Variants in CNTNAP2 observed in about 807,000 individuals in gnomAD.
The protein encoded by CNTNAP2 is contactin associated protein 2.
In CNTNAP2, 98 loss-of-function variants were observed where a neutral mutation model predicts 155.2. That is an observed-to-expected ratio of 0.63 (90% confidence interval 0.54 to 0.75). The LOEUF (loss-of-function observed/expected upper bound fraction) is 0.75. Among genes scored for constraint, CNTNAP2 ranks in the 30% least tolerant of loss-of-function variants. The pLI is 0.00. For synonymous variants in CNTNAP2, 651 were observed against 631.2 expected (o/e 1.03, Z -0.47); for missense variants, 1,727 against 1,688.1 (o/e 1.02, Z -0.40).
chr7:147,134,922 C>T (rs143646392), intron 8 of CNTNAP2, among the ~76,000 whole-genome samples: 1 of 151,696 alleles, frequency 6.6e-6, no homozygotes, highest in Non-Finnish European at 1.5e-5. Context: ...AGAAAAATAA[C>T]CAGTGATAAA....
At chr7:147,655,214 C>T (rs1380332233) in intron 13 of CNTNAP2, among the ~76,000 whole-genome samples, 1 of 152,134 alleles carries the variant, frequency 6.6e-6, no homozygotes, top group African/African-American at 2.4e-5. Flanking sequence ...CCTCCGCCTC[C>T]TGGATTCAAG....
intron 1 of CNTNAP2, among the ~76,000 whole-genome samples, chr7:146,264,400 G>T (rs1351186765): frequency 6.6e-6 from 1 of 151,764 alleles, no homozygotes; most frequent in Non-Finnish European, 1.5e-5. Flanking sequence ...GCAGTGAGCC[G>T]AGATCATGCC....
chr7:147,142,227 T>G (rs948443809), intron 8 of CNTNAP2, among the ~76,000 whole-genome samples: 1 of 152,098 alleles, frequency 6.6e-6, no homozygotes, highest in African/African-American at 2.4e-5. Flanking sequence ...AGACAGCTCT[T>G]ATTATTTTGA....
chr7:147,542,724 G>C (rs1204359061), intron 11 of CNTNAP2, among the ~76,000 whole-genome samples: 2 of 152,186 alleles, frequency 1.3e-5, no homozygotes, highest in African/African-American at 2.4e-5. Flanking sequence ...AGGGAAAGTT[G>C]AGATCCATAA....
intron 8 of CNTNAP2, among the ~76,000 whole-genome samples, chr7:147,242,256 A>G (rs1182163076): frequency 1.3e-5 from 2 of 152,222 alleles, no homozygotes; most frequent in Admixed American, 1.3e-4. Flanking sequence ...TTTCTCTGAC[A>G]CAAGTTTGTT....
intron 1 of CNTNAP2, among the ~76,000 whole-genome samples, chr7:146,239,352 A>C (rs968759091): frequency 6.6e-6 from 1 of 152,174 alleles, no homozygotes; most frequent in Non-Finnish European, 1.5e-5. Flanking sequence ...ATAAAAAGCA[A>C]AGTTTTTCAT....
At chr7:147,600,231 G>A (rs1175730128) in intron 12 of CNTNAP2, among the ~76,000 whole-genome samples, 1 of 152,142 alleles carries the variant, frequency 6.6e-6, no homozygotes, top group Non-Finnish European at 1.5e-5. Flanking sequence ...CATTCTAGGA[G>A]GCTTAAAAGT....
At chr7:146,891,529 G>A (rs1795776706) in intron 3 of CNTNAP2, among the ~76,000 whole-genome samples, 1 of 152,192 alleles carries the variant, frequency 6.6e-6, no homozygotes, top group Non-Finnish European at 1.5e-5. Flanking sequence ...AAATTACACA[G>A]AAATTACAGG....
At chr7:147,115,786 C>T (rs1227393805) in intron 5 of CNTNAP2, among the ~76,000 whole-genome samples, 1 of 152,094 alleles carries the variant, frequency 6.6e-6, no homozygotes, top group Non-Finnish European at 1.5e-5. Context: ...TTTGTTATTA[C>T]CCACCTTCTG....
At chr7:147,706,494 C>T (rs1796318965) in intron 13 of CNTNAP2, among the ~76,000 whole-genome samples, 1 of 151,946 alleles carries the variant, frequency 6.6e-6, no homozygotes, top group African/African-American at 2.4e-5. Flanking sequence ...GAGAGATTCA[C>T]TGTTAGTCTG....
At chr7:146,929,272 G>A (rs992439572) in intron 3 of CNTNAP2, among the ~76,000 whole-genome samples, 4 of 152,122 alleles carry the variant, frequency 2.6e-5, no homozygotes, top group Non-Finnish European at 4.4e-5. Context: ...AGCAGCATTC[G>A]CGGTTCACGA....
chr7:147,764,861 A>G (rs887811193), intron 13 of CNTNAP2, among the ~76,000 whole-genome samples: 1 of 152,210 alleles, frequency 6.6e-6, no homozygotes, highest in African/African-American at 2.4e-5. Context: ...GTCAGAACAA[A>G]TGTAGTTCAC....
intron 14 of CNTNAP2, among the ~76,000 whole-genome samples, chr7:147,975,873 C>G (rs1227278361): frequency 6.6e-6 from 1 of 152,030 alleles, no homozygotes; most frequent in East Asian, 1.9e-4. Flanking sequence ...CAATAAATTT[C>G]TAAAGCAAAA....
chr7:146,416,257 CAT>C (rs1173386425), intron 1 of CNTNAP2, among the ~76,000 whole-genome samples: 2 of 150,210 alleles, frequency 1.3e-5, no homozygotes, highest in Non-Finnish European at 3.0e-5. Flanking sequence ...TATATACACA[CAT>C]ATATATACAT....
chr7:146,381,110 T>C (rs1795380914), intron 1 of CNTNAP2, among the ~76,000 whole-genome samples: 1 of 152,100 alleles, frequency 6.6e-6, no homozygotes. Context: ...CACGTTCTTA[T>C]ATACTCACCT....
chr7:147,680,048 C>T (rs1447966860), intron 13 of CNTNAP2, among the ~76,000 whole-genome samples: 1 of 151,616 alleles, frequency 6.6e-6, no homozygotes, highest in African/African-American at 2.4e-5. Flanking sequence ...GATCTGTAAC[C>T]TGTGCCTTCA....
intron 13 of CNTNAP2, among the ~76,000 whole-genome samples, chr7:147,768,424 T>C (rs1797416327): frequency 6.6e-6 from 1 of 152,116 alleles, no homozygotes; most frequent in Admixed American, 6.6e-5. Context: ...ATGTAAACTC[T>C]TTACTATATT....
intron 1 of CNTNAP2, among the ~76,000 whole-genome samples, chr7:146,481,019 ATCTCAGAGGTAAAGACTAG>A (rs1796953690): frequency 6.6e-6 from 1 of 151,726 alleles, no homozygotes; most frequent in East Asian, 1.9e-4. Flanking sequence ...TTTTTTTCAA[ATCTCAGAGGTAAAGACTAG>A]ATAAGAAATT....
At chr7:146,466,020 G>A (rs1796712586) in intron 1 of CNTNAP2, among the ~76,000 whole-genome samples, 1 of 151,926 alleles carries the variant, frequency 6.6e-6, no homozygotes, top group South Asian at 2.1e-4. Context: ...GACTTTGATT[G>A]GACCTCTGGT....
Sources: allele counts gnomAD v4.1 joint callset (sites outside exome capture counted in the v4.1 genomes callset), GRCh38; gene constraint gnomAD v4.1.1; transcripts MANE v1.5; gene names NCBI Gene and HGNC (gene_info 2026-07-23, HGNC 2026-07-21).